PALM2AKAP2: variants seen among roughly 807,000 people sequenced by gnomAD.
PALM2AKAP2 encodes the protein PALM2 and AKAP2 fusion, also known as PALM2-AKAP2 fusion protein.
A neutral mutation model predicts 71.5 loss-of-function variants in PALM2AKAP2; 37 were observed. The ratio of observed to expected loss-of-function variants is 0.52; its 90% CI spans 0.40 to 0.68. The LOEUF is 0.68. Ranked by LOEUF, PALM2AKAP2 falls within the 30% of genes least tolerant of loss-of-function variation. The pLI is 0.00. For missense variants in PALM2AKAP2, 1,224 were observed against 1,191.8 expected, an observed-to-expected ratio of 1.03 and a Z score of -0.40; for synonymous variants, 468 against 478.8, an observed-to-expected ratio of 0.98 and a Z score of 0.29.
rs533436662 is a variant in PALM2AKAP2, at chr9:109,958,213, A to G, written c.496+26185A>G. Among the ~76,000 whole-genome samples the G allele has an allele frequency of 1.2e-3, 181 of 152,272 alleles. 1 individual carries two copies. In the Middle Eastern group the frequency reaches 0.031, roughly 26 times the overall value. On this transcript the variant is annotated intron_variant, in intron 6 of 9. Transcript: ENST00000302798. Reference sequence around the variant, plus strand: ...GCCAAGAGAAAAATAAGATGAAATTAGAAAACTCCATCTAGCTTATATTAC... The same window carrying G: ...GCCAAGAGAAAAATAAGATGAAATTGGAAAACTCCATCTAGCTTATATTAC...
intron 6 of PALM2AKAP2, among the ~76,000 whole-genome samples, chr9:109,934,381 C>T (rs1200665036): frequency 6.6e-6 from 1 of 152,188 alleles, no homozygotes; most frequent in Non-Finnish European, 1.5e-5. Flanking sequence ...CAGAGCACAT[C>T]TAAGTTCTAA....
chr9:109,885,260 T>C (rs576968514), intron 3 of PALM2AKAP2, among the ~76,000 whole-genome samples: 44 of 152,314 alleles, frequency 2.9e-4, no homozygotes, highest in African/African-American at 9.6e-4. Flanking sequence ...AATTATTATA[T>C]GTGGTGCTTA....
intron 1 of PALM2AKAP2, among the ~76,000 whole-genome samples, chr9:109,718,228 A>G (rs922719034): frequency 4.6e-5 from 7 of 152,024 alleles, no homozygotes; most frequent in Non-Finnish European, 1.0e-4. Context: ...CTGCAGGTGC[A>G]TGCCACCATG....
intron 3 of PALM2AKAP2, among the ~76,000 whole-genome samples, chr9:109,896,099 T>C (rs1457786926): frequency 5.9e-5 from 9 of 152,002 alleles, no homozygotes; most frequent in Admixed American, 5.9e-4. Context: ...GCAGGAGAAC[T>C]GCTCGAACCT....
chr9:109,899,607 G>A (rs1433513997), intron 3 of PALM2AKAP2, among the ~76,000 whole-genome samples: 1 of 152,134 alleles, frequency 6.6e-6, no homozygotes, highest in Non-Finnish European at 1.5e-5. Context: ...CCTTAATTTA[G>A]CTTAGAGAGT....
intron 6 of PALM2AKAP2, among the ~76,000 whole-genome samples, chr9:109,939,810 C>T (rs1831317941): frequency 6.6e-6 from 1 of 152,198 alleles, no homozygotes; most frequent in Admixed American, 6.5e-5. Flanking sequence ...ATGACAAATG[C>T]TGGTTGGCCT....
chr9:110,035,754 TAG>T (rs1273705371), intron 7 of PALM2AKAP2, among the ~76,000 whole-genome samples: 1 of 134,562 alleles, frequency 7.4e-6, no homozygotes, highest in Non-Finnish European at 1.6e-5. Context: ...ATAACATATA[TAG>T]GATATGTTGT....
chr9:110,048,586 T>C, upstream of PALM2AKAP2: 1 of 1,130,568 alleles, frequency 8.8e-7, no homozygotes, highest in Non-Finnish European at 1.2e-6. Context: ...GGGCGGTCCG[T>C]GGGCGCTGGG....
chr9:110,158,588 G>C (rs1354380192), intron 3 of PALM2AKAP2, among the ~76,000 whole-genome samples: 1 of 152,198 alleles, frequency 6.6e-6, no homozygotes, highest in Non-Finnish European at 1.5e-5. Flanking sequence ...CAACCAGGTT[G>C]AGTTTTTCCT....
intron 1 of PALM2AKAP2, among the ~76,000 whole-genome samples, chr9:109,841,462 C>A (rs10759379): frequency 0.59 from 68,460 of 116,806 alleles, 20,189 homozygotes; most frequent in Admixed American, 0.64. Flanking sequence ...ACATGTATAC[C>A]TATGTAGCAA....
At chr9:109,655,995 G>C (rs1827300331) in intron 1 of PALM2AKAP2, among the ~76,000 whole-genome samples, 1 of 152,174 alleles carries the variant, frequency 6.6e-6, no homozygotes, top group Admixed American at 6.5e-5. Flanking sequence ...GTATTTTCTA[G>C]AAGTTGAGGC....
chr9:110,101,243 C>T (rs939024697), intron 1 of PALM2AKAP2, among the ~76,000 whole-genome samples: 1 of 152,082 alleles, frequency 6.6e-6, no homozygotes, highest in African/African-American at 2.4e-5. Context: ...TTTAAAAAGA[C>T]ACGCAGGATG....
At chr9:109,908,146 G>A (rs531288128) in intron 3 of PALM2AKAP2, among the ~76,000 whole-genome samples, 15 of 152,318 alleles carry the variant, frequency 9.8e-5, no homozygotes, top group Admixed American at 2.0e-4. Context: ...AATACATGCT[G>A]TTTCTGCTTT....
intron 1 of PALM2AKAP2, among the ~76,000 whole-genome samples, chr9:110,081,293 T>C (rs1466922482): frequency 6.6e-6 from 1 of 152,182 alleles, no homozygotes; most frequent in African/African-American, 2.4e-5. Flanking sequence ...ATATTTTTTC[T>C]TAGGAGGAAA....
chr9:110,094,047 A>G (rs1349243085), intron 1 of PALM2AKAP2, among the ~76,000 whole-genome samples: 1 of 152,200 alleles, frequency 6.6e-6, no homozygotes, highest in African/African-American at 2.4e-5. Context: ...GCTGCTTAAT[A>G]TCCTTCATAC....
At chr9:109,662,608 G>T (rs988300726) in intron 1 of PALM2AKAP2, among the ~76,000 whole-genome samples, 1 of 148,848 alleles carries the variant, frequency 6.7e-6, no homozygotes, top group Non-Finnish European at 1.5e-5. Context: ...TGTTCATCAG[G>T]GATATTGGTC....
intron 1 of PALM2AKAP2, among the ~76,000 whole-genome samples, chr9:110,070,623 C>G (rs754288232): frequency 3.9e-5 from 6 of 152,120 alleles, no homozygotes; most frequent in Non-Finnish European, 8.8e-5. Flanking sequence ...ACTTAGTAGG[C>G]TCACTGGGAT....
At chr9:109,810,948 G>T (rs890080151) in intron 1 of PALM2AKAP2, among the ~76,000 whole-genome samples, 1 of 152,116 alleles carries the variant, frequency 6.6e-6, no homozygotes, top group Non-Finnish European at 1.5e-5. Flanking sequence ...GACTGCTTCC[G>T]TTTTCTCAGT....
At position 109,756,076 on chromosome 9, in the gene PALM2AKAP2, A is replaced by C. The variant is rs146470320; in HGVS notation, c.6-24412A>C. On this transcript the variant is annotated intron_variant, in intron 1 of 6. Transcript: ENST00000374531. ...TCCAAGGGGCAGAATCACCTAAATC[A>C]ATGGGTATATATAGTTATAACACTT... is the stretch of plus-strand genomic sequence containing the variant. Among the ~76,000 whole-genome samples the C allele has an allele frequency of 9.3e-3, 1,419 of 152,258 alleles. 8 individuals carry two copies. Among genetic ancestry groups the C allele is most frequent in the South Asian group, 0.016 (78 of 4,820 alleles).
Sources: gnomAD v4.1 joint callset for allele counts (sites outside exome capture counted in the v4.1 genomes callset) on GRCh38, gnomAD v4.1.1 for gene constraint, MANE v1.5 for transcripts, NCBI Gene and HGNC (gene_info 2026-07-23, HGNC 2026-07-21) for gene names.